Variants in PCDH15 observed in about 807,000 individuals in gnomAD.
The protein encoded by PCDH15 is protocadherin related 15, also known as protocadherin-15.
In PCDH15, 129 loss-of-function variants were observed where a neutral mutation model predicts 178.5. The observed-to-expected ratio is 0.72, with a 90% CI of 0.63 to 0.84. The LOEUF is 0.84. PCDH15 is among the 40% of genes least tolerant of loss of function. PCDH15 has a pLI of 0.00. For synonymous variants in PCDH15, 800 were observed against 732.0 expected (o/e 1.09, Z -1.50); for missense variants, 2,230 against 2,099.9 (o/e 1.06, Z -1.21).
Position 53,969,469 on chromosome 10 carries a change from C to A in PCDH15, c.2869-7577G>T, listed in dbSNP as rs527649937. ...ATCCAGGAGAACTTCCCCAACCTAACAAGGCAGGCCAACATTCAAATTCAG... is the reference window on the plus strand; with the variant it reads ...ATCCAGGAGAACTTCCCCAACCTAAAAAGGCAGGCCAACATTCAAATTCAG... On this transcript the variant is annotated intron_variant, in intron 21 of 37. Coordinates refer to ENST00000644397, the MANE Select transcript of PCDH15 (RefSeq NM_001384140.1). Among the ~76,000 whole-genome samples the A allele has an allele frequency of 2.6e-5, 4 of 152,250 alleles. No individual in the cohort carries two copies. The South Asian group carries it at 8.3e-4, about 32-fold the overall frequency.
chr10:53,875,213 C>G (rs1290068488), intron 26 of PCDH15, among the ~76,000 whole-genome samples: 1 of 152,010 alleles, frequency 6.6e-6, no homozygotes, highest in Non-Finnish European at 1.5e-5. Context: ...GGATAAATAA[C>G]AAGTAACTCA....
At chr10:55,077,109 T>A (rs141113732) in intron 2 of PCDH15, among the ~76,000 whole-genome samples, 1 of 151,628 alleles carries the variant, frequency 6.6e-6, no homozygotes, top group Non-Finnish European at 1.5e-5. Flanking sequence ...CTCCTTTTTT[T>A]TTTTGGTTTT....
At chr10:54,334,698 C>CAT (rs1940676669) in intron 6 of PCDH15, among the ~76,000 whole-genome samples, 1 of 151,848 alleles carries the variant, frequency 6.6e-6, no homozygotes, top group African/African-American at 2.4e-5. Context: ...CACACACACA[C>CAT]ACACACACAC....
intron 3 of PCDH15, among the ~76,000 whole-genome samples, chr10:54,851,047 G>A (rs1953612179): frequency 6.6e-6 from 1 of 152,110 alleles, no homozygotes. Context: ...TAGTTTATAT[G>A]CTGATCATAA....
intron 1 of PCDH15, among the ~76,000 whole-genome samples, chr10:55,191,102 C>T (rs1839932579): frequency 6.6e-6 from 1 of 151,538 alleles, no homozygotes; most frequent in Non-Finnish European, 1.5e-5. Flanking sequence ...GTGAATATAA[C>T]AAAAATATGG....
chr10:54,715,724 C>T (rs1195906434), intron 1 of PCDH15, among the ~76,000 whole-genome samples: 2 of 152,076 alleles, frequency 1.3e-5, no homozygotes, highest in African/African-American at 4.8e-5. Flanking sequence ...ACGTCACACT[C>T]AGACATACCT....
chr10:54,783,369 AT>A (rs1950550667), intron 1 of PCDH15, among the ~76,000 whole-genome samples: 1 of 152,076 alleles, frequency 6.6e-6, no homozygotes, highest in Admixed American at 6.6e-5. Context: ...TAAAGTAGGA[AT>A]TTTTTACTTG....
At chr10:53,824,995 G>GACAAAACTTTCCTTTTAACA in intron 32 of PCDH15, 1 of 1,093,504 alleles carries the variant, frequency 9.1e-7, no homozygotes. Context: ...GGGTGTGGAA[G>GACAAAACTTTCCTTTTAACA]ACAAAACTTT....
intron 2 of PCDH15, among the ~76,000 whole-genome samples, chr10:54,997,847 A>G (rs941960367): frequency 1.2e-4 from 18 of 152,192 alleles, no homozygotes; most frequent in African/African-American, 4.1e-4. Flanking sequence ...GCTGGTGAAC[A>G]TTTTGTAGAA....
At chr10:54,625,341 C>T (rs2093513609) in intron 2 of PCDH15, among the ~76,000 whole-genome samples, 3 of 152,146 alleles carry the variant, frequency 2.0e-5, no homozygotes, top group African/African-American at 7.2e-5. Flanking sequence ...AATGTAAATT[C>T]TCTAAGAAAA....
chr10:53,815,893 T>C (rs2076044615), intron 35 of PCDH15, among the ~76,000 whole-genome samples: 2 of 152,138 alleles, frequency 1.3e-5, no homozygotes, highest in Non-Finnish European at 2.9e-5. Context: ...ATAATCTAAA[T>C]CTGATGTCAG....
chr10:54,113,562 C>T (rs1349917681), intron 15 of PCDH15, among the ~76,000 whole-genome samples: 2 of 151,858 alleles, frequency 1.3e-5, no homozygotes, highest in Non-Finnish European at 2.9e-5. Context: ...TCCCAGAGTC[C>T]CCATAACAGT....
At chr10:54,509,885 T>C (rs1024907081) in intron 3 of PCDH15, among the ~76,000 whole-genome samples, 20 of 152,196 alleles carry the variant, frequency 1.3e-4, no homozygotes, top group African/African-American at 4.8e-4. Context: ...TTGAATGTGT[T>C]CACATATGTC....
rs552577129 is a variant in PCDH15, at chr10:54,038,992, G to A, written c.2221-15795C>T. Among the ~76,000 whole-genome samples, 109 of 151,980 alleles carry A rather than the reference G, an allele frequency of 7.2e-4. 1 individual carries two copies. The highest frequency in any genetic ancestry group is 1.3e-3 in the Non-Finnish European group (87 of 67,920). On this transcript the variant is annotated intron_variant, in intron 18 of 37. Transcript: ENST00000644397. ...ATTTTCCACCCCTGTGCCCAGAGAC[G>A]TAACTCATATTTTCCTGTTGAATTT...
At chr10:55,451,548 C>T (rs1839435824) in intron 2 of PCDH15, among the ~76,000 whole-genome samples, 1 of 151,964 alleles carries the variant, frequency 6.6e-6, no homozygotes. Context: ...CATACTGTGG[C>T]ACATTAAAAT....
At chr10:54,089,223 A>G (rs535165242) in intron 16 of PCDH15, among the ~76,000 whole-genome samples, 2 of 152,320 alleles carry the variant, frequency 1.3e-5, no homozygotes, top group East Asian at 3.9e-4. Context: ...CTGATGTGGC[A>G]ATGTATTCAT....
intron 25 of PCDH15, among the ~76,000 whole-genome samples, chr10:53,917,807 G>T (rs1297269894): frequency 6.6e-6 from 1 of 152,110 alleles, no homozygotes; most frequent in Non-Finnish European, 1.5e-5. Context: ...TGGATCATGG[G>T]GGTGGACCCC....
intron 2 of PCDH15, among the ~76,000 whole-genome samples, chr10:55,134,300 A>C (rs1242310787): frequency 1.3e-5 from 2 of 152,160 alleles, no homozygotes; most frequent in African/African-American, 4.8e-5. Context: ...ACAGCTAATT[A>C]TCTCTGCTAC....
chr10:54,378,068 C>T (rs953832144), intron 4 of PCDH15, among the ~76,000 whole-genome samples: 2 of 151,818 alleles, frequency 1.3e-5, no homozygotes, highest in African/African-American at 4.8e-5. Flanking sequence ...GGACTACAGG[C>T]ACGTGTTACC....
Sources: allele counts gnomAD v4.1 joint callset (sites outside exome capture counted in the v4.1 genomes callset), GRCh38; gene constraint gnomAD v4.1.1; transcripts MANE v1.5; gene names NCBI Gene and HGNC (gene_info 2026-07-23, HGNC 2026-07-21).